AXL: variants seen among roughly 807,000 people sequenced by gnomAD.
AXL encodes AXL receptor tyrosine kinase.
A neutral mutation model predicts 104.5 loss-of-function variants in AXL; 52 were observed. That is an observed-to-expected ratio of 0.50 (90% CI 0.40 to 0.63). The LOEUF is 0.63. Among genes scored for constraint, AXL ranks in the 20% least tolerant of loss-of-function variants. The pLI is 0.00. For missense variants in AXL, 1,024 were observed against 1,188.5 expected (o/e 0.86, Z 2.04); for synonymous variants, 455 against 473.7 (o/e 0.96, Z 0.51).
chr19:41,222,306 GTCTCTCTCTCTGTCTCTCTGCTTC>G (rs1290485556), intron 4 of AXL, among the ~76,000 whole-genome samples: 1 of 151,756 alleles, frequency 6.6e-6, no homozygotes, highest in Non-Finnish European at 1.5e-5. Flanking sequence ...CTTTGTATGT[GTCTCTCTCTCTGTCTCTCTGCTTC>G]TCTCTCCCTC....
intron 8 of AXL, 104 bp downstream of exon 8, chr19:41,238,713 G>A (rs1481909047): frequency 7.0e-7 from 1 of 1,427,860 alleles, no homozygotes; most frequent in African/African-American, 1.4e-5. Flanking sequence ...GTACACAATT[G>A]CTCTATGCCT....
chr19:41,230,065 G>A lies in AXL; in HGVS notation c.587-902G>A, dbSNP rs574486226. Among the ~76,000 whole-genome samples, 5 of 152,154 alleles carry A rather than the reference G, an allele frequency of 3.3e-5. No homozygotes were observed. In the East Asian group the frequency reaches 9.6e-4, roughly 29 times the overall value. On this transcript the variant is annotated intron_variant, in intron 4 of 19. Coordinates refer to ENST00000301178, the MANE Select transcript of AXL (RefSeq NM_021913.5). The stretch of plus-strand genomic sequence containing the variant: ...TATGAGCACGTGTATTTCTGTGTGT[G>A]TCTATATATGTGTATATGAGTATGT...
At chr19:41,232,407 A>C (rs2034007423) in intron 6 of AXL, among the ~76,000 whole-genome samples, 1 of 152,202 alleles carries the variant, frequency 6.6e-6, no homozygotes, top group South Asian at 2.1e-4. Context: ...GGATCACCTG[A>C]GGTCAGGAGT....
At chr19:41,230,915 G>T (rs1205167911) in intron 4 of AXL, 52 bp from the exon 5 acceptor site, 2 of 1,582,900 alleles carry the variant, frequency 1.3e-6, no homozygotes, top group Admixed American at 3.3e-5. Context: ...TGGCCCCGGA[G>T]CCCTTCCTGC....
Position 41,259,700 on chromosome 19 carries a change from TGGA to T in AXL, c.2484_2486del (p.Gly829del), listed in dbSNP as rs1196430851. Reference sequence around the variant, plus strand: ...TCCTCTATGTCAACATGGATGAGGGTGGAGGTTATCCTGAACCCCCTGGAGCTG... The same window carrying T: ...TCCTCTATGTCAACATGGATGAGGGTGGTTATCCTGAACCCCCTGGAGCTG... On this transcript the variant is annotated inframe_deletion, in exon 20 of 20. Transcript: ENST00000301178. The T allele has an allele frequency of 1.9e-6, 3 of 1,613,814 alleles. No homozygotes were observed. Among genetic ancestry groups the T allele is most frequent in the Non-Finnish European group, 2.5e-6 (3 of 1,179,984 alleles).
In AXL at chr19:41,259,831, C is replaced by T. The variant is rs1803068554; in HGVS notation, c.2612C>T (p.Ser871Phe). ...GCTGGACGCTATGTCCTCTGCCCTT[C>T]CACAACCCCTAGCCCCGCTCAGCCT... Reference protein sequence around the residue: ...HPAGRYVLCPSTTPSPAQPAD... With the variant: ...HPAGRYVLCPFTTPSPAQPAD... Residue 871 changes from serine (S) to phenylalanine (F), a missense_variant, in exon 20 of 20, where the codon TCC (serine) becomes TTC (phenylalanine). By Grantham distance (155) the Ser-to-Phe change is radical. Coordinates refer to ENST00000301178, the MANE Select transcript of AXL (RefSeq NM_021913.5). The T allele has an allele frequency of 6.2e-7, 1 of 1,613,642 alleles. No homozygotes were observed. Among genetic ancestry groups the T allele is most frequent in the Non-Finnish European group, 8.5e-7 (1 of 1,179,858 alleles).
chr19:41,219,523 T>A, intron 1 of AXL, 46 bp downstream of exon 1: 1 of 937,214 alleles, frequency 1.1e-6, no homozygotes, highest in South Asian at 2.0e-5. Flanking sequence ...TCGGAGGGGC[T>A]GGGGCAGGGG....
intron 1 of AXL, among the ~76,000 whole-genome samples, chr19:41,219,907 C>T (rs1321096004): frequency 1.3e-5 from 2 of 151,824 alleles, no homozygotes; most frequent in African/African-American, 4.8e-5. Flanking sequence ...CAACACCACC[C>T]CCCTGACCCG....
intron 3 of AXL, chr19:41,221,633 C>G: frequency 1.8e-6 from 1 of 544,092 alleles, no homozygotes; most frequent in Non-Finnish European, 3.2e-6. Context: ...TGAGGATGAG[C>G]TGTCAGACAT....
chr19:41,259,744 C>T lies in AXL; in HGVS notation c.2525C>T (p.Pro842Leu), dbSNP rs2122298874. Reference sequence around the variant, plus strand: ...CCTGGAGCTGCAGGAGGAGCTGACCCCCCAACCCAGCCAGACCCTAAGGAT... The same window carrying T: ...CCTGGAGCTGCAGGAGGAGCTGACCTCCCAACCCAGCCAGACCCTAAGGAT... ...EPPGAAGGAD[P>L]PTQPDPKDSC... Residue 842 changes from proline (P) to leucine (L), a missense_variant, in exon 20 of 20, where the codon CCC (proline) becomes CTC (leucine). Pro to Leu is a moderately conservative substitution (Grantham distance 98). This residue lies in a region of AXL where 523 missense variants were observed against 636.0 expected (regional missense o/e 0.82). Transcript: ENST00000301178. 1 of 1,614,066 alleles carries T rather than the reference C, an allele frequency of 6.2e-7. No homozygotes were observed. The highest frequency in any genetic ancestry group is 1.1e-5 in the South Asian group (1 of 91,076).
chr19:41,226,729 C>A, intron 4 of AXL: 1 of 985,992 alleles, frequency 1.0e-6, no homozygotes, highest in Non-Finnish European at 1.2e-6. Flanking sequence ...AACATACCAG[C>A]TCAGAAACAC....
intron 11 of AXL, 113 bp downstream of exon 11, chr19:41,243,128 G>A (rs1288917796): frequency 1.3e-6 from 2 of 1,489,002 alleles, no homozygotes; most frequent in Admixed American, 1.9e-5. Context: ...TCAGAATGAG[G>A]GCAAGGGAAG....
chr19:41,238,694 G>A, intron 8 of AXL, 85 bp downstream of exon 8: 2 of 1,488,656 alleles, frequency 1.3e-6, no homozygotes, highest in African/African-American at 1.4e-5. Context: ...TGGTTGTGAA[G>A]GTTGGGTAGT....
chr19:41,250,746 T>C (rs1230856198), intron 14 of AXL, among the ~76,000 whole-genome samples: 1 of 152,058 alleles, frequency 6.6e-6, no homozygotes, highest in Admixed American at 6.6e-5. Context: ...CAGCCTACGT[T>C]TTTTGTTTTT....
chr19:41,230,172 T>C (rs765993273), intron 4 of AXL, among the ~76,000 whole-genome samples: 3 of 151,892 alleles, frequency 2.0e-5, no homozygotes, highest in Non-Finnish European at 4.4e-5. Flanking sequence ...TGTGTCTGTG[T>C]CTGTGTGTGA....
chr19:41,253,776 C>G, intron 17 of AXL, 68 bp downstream of exon 17: 1 of 1,274,562 alleles, frequency 7.8e-7, no homozygotes, highest in East Asian at 2.4e-5. Flanking sequence ...TCCCTCCCTC[C>G]TTCTTAGGAT....
At chr19:41,222,133 C>T in intron 4 of AXL, 77 bp downstream of exon 4, 1 of 1,384,144 alleles carries the variant, frequency 7.2e-7, no homozygotes, top group South Asian at 1.5e-5. Context: ...AACATTGCTA[C>T]CTCTGCGTGA....
intron 4 of AXL, among the ~76,000 whole-genome samples, chr19:41,222,508 C>T (rs944884406): frequency 6.6e-6 from 1 of 152,196 alleles, no homozygotes; most frequent in African/African-American, 2.4e-5. Flanking sequence ...CCACAACCGG[C>T]CCACCTCCTG....
Position 41,231,165 on chromosome 19 carries a change from T to C in AXL, c.668-18T>C, listed in dbSNP as rs780952193. On this transcript the variant is annotated intron_variant, in intron 5 of 19. Transcript: ENST00000301178. ...GAGCAAAGGCTCCCCAGGGTCAATC[T>C]CTCCCGTTTGTCCACAGTGCTCCCC... is the stretch of plus-strand genomic sequence containing the variant. 3.7e-6 allele frequency: 6 copies of C among 1,609,918 alleles called. 1 individual carries two copies. In the South Asian group the frequency reaches 6.6e-5, roughly 18 times the overall value.
Sources: allele counts gnomAD v4.1 joint callset (sites outside exome capture counted in the v4.1 genomes callset), GRCh38; gene constraint gnomAD v4.1.1; regional missense constraint gnomAD v4.1.1; transcripts MANE v1.5; gene names NCBI Gene and HGNC (gene_info 2026-07-23, HGNC 2026-07-21).